The following LMNA variants were observed in gnomAD, a reference collection of about 807,000 sequenced individuals.
LMNA encodes lamin A/C, also known as lamin.
In LMNA, 20 loss-of-function variants were observed where a neutral mutation model predicts 70.4. That is an observed-to-expected ratio of 0.28 (90% CI 0.20 to 0.41). The LOEUF (loss-of-function observed/expected upper bound fraction) is 0.41. LMNA is among the 10% of genes least tolerant of loss of function. The pLI is 1.00. For synonymous variants in LMNA, 339 were observed against 372.8 expected (o/e 0.91, Z 1.04); for missense variants, 652 against 917.2 (o/e 0.71, Z 3.73).
chr1:156,093,405 A>G (rs1648787000), intron 3 of LMNA, among the ~76,000 whole-genome samples: 1 of 148,230 alleles, frequency 6.7e-6, no homozygotes, highest in Non-Finnish European at 1.5e-5. Context: ...CTCCTGGCTC[A>G]AGCCATCCTC....
Position 156,135,071 on chromosome 1 carries a change from T to C in LMNA, c.810+96T>C. On this transcript the variant is annotated intron_variant, in intron 4 of 11. Transcript: ENST00000368300. The surrounding 1 kb of genome is among the most constrained non-coding windows in gnomAD (Gnocchi z 4.8). ...TGCCTTCTGGGGATCAGGCAGATGGTGGCAGGGAGCTCAGGGTGGCCCAGG... is the reference window on the plus strand; with the variant it reads ...TGCCTTCTGGGGATCAGGCAGATGGCGGCAGGGAGCTCAGGGTGGCCCAGG... 1.2e-6 allele frequency: 2 copies of C among 1,610,054 alleles called. No homozygotes were observed. The highest frequency in any genetic ancestry group is 1.1e-5 in the South Asian group (1 of 90,690).
In LMNA at chr1:156,115,210, G is replaced by T; in HGVS notation, c.292G>T (p.Glu98Ter). 6.2e-7 allele frequency: 1 copy of T among 1,612,942 alleles called. No individual in the cohort carries two copies. ...CAAGACCCTTGACTCAGTAGCCAAG[G>T]AGCGCGCCCGCCTGCAGCTGGAGCT... ...ARKTLDSVAKERARLQLELSK... is the reference protein window; with the variant it reads ...ARKTLDSVAK The change falls in exon 1 of 12, where the codon GAG becomes TAG. Residue 98 changes from glutamate (E) to a stop codon, truncating the protein, a stop_gained. Transcript: ENST00000368300. LOFTEE classifies it high-confidence loss of function. This position sits in a 1 kb window ranked among gnomAD's most constrained non-coding sequence, Gnocchi z 5.8.
intron 3 of LMNA, chr1:156,090,885 C>T (rs1648672436): frequency 6.6e-6 from 1 of 152,174 alleles, no homozygotes; most frequent in Non-Finnish European, 1.5e-5. Flanking sequence ...CATTGGCCAC[C>T]AGGTGGCGCC....
In LMNA at chr1:156,103,337, G is replaced by A. The variant is rs1649204626; in HGVS notation, c.-206-11376G>A. 6.6e-6 allele frequency among the ~76,000 whole-genome samples: 1 copy of A among 152,168 alleles called. No individual in the cohort carries two copies. Among genetic ancestry groups the A allele is most frequent in the Non-Finnish European group, 1.5e-5 (1 of 68,016 alleles). ...CCCCAGGGAGAAGTCTTGCAGAGGA[G>A]GGTCCTCATCCTAATGAGGCCGCCA... On this transcript the variant is annotated intron_variant, in intron 3 of 12. Transcript: ENST00000368301. This position sits in a 1 kb window ranked among gnomAD's most constrained non-coding sequence, Gnocchi z 4.7.
At chr1:156,091,438 A>G (rs1291631660) in intron 3 of LMNA, among the ~76,000 whole-genome samples, 1 of 152,114 alleles carries the variant, frequency 6.6e-6, no homozygotes, top group African/African-American at 2.4e-5. Flanking sequence ...CCCGGTCTCT[A>G]CTAAAAATAC....
chr1:156,115,322 G>T lies in LMNA; in HGVS notation c.356+48G>T, dbSNP rs754981671. 3 of 1,529,352 alleles carry T rather than the reference G, an allele frequency of 2.0e-6. No homozygotes were observed. The highest frequency in any genetic ancestry group is 2.7e-6 in the Non-Finnish European group (3 of 1,131,590). 94.7% of individuals were successfully genotyped at this position (1,529,352 alleles called of 1,614,324 possible). A position where few individuals can be genotyped will look rare whatever the true frequency, so the allele number is the denominator to read the frequency against. On this transcript the variant is annotated intron_variant, in intron 1 of 11. Coordinates refer to ENST00000368300, the MANE Select transcript of LMNA (RefSeq NM_170707.4). This position sits in a 1 kb window ranked among gnomAD's most constrained non-coding sequence, Gnocchi z 5.8. Reference sequence around the variant, plus strand: ...GTGCCTGGCGGGGAGTGGAGAGGGCGGCGGGCCGGCGCCCCTGGCCGGCCG... The same window carrying T: ...GTGCCTGGCGGGGAGTGGAGAGGGCTGCGGGCCGGCGCCCCTGGCCGGCCG...
intron 2 of LMNA, among the ~76,000 whole-genome samples, chr1:156,087,258 T>G (rs540640970): frequency 5.2e-4 from 79 of 150,746 alleles, no homozygotes; most frequent in African/African-American, 1.8e-3. Context: ...TTTTTTTTTG[T>G]GGGGGGACAG....
chr1:156,137,520 A>G lies in LMNA; in HGVS notation c.1609-134A>G. 1.1e-6 allele frequency: 1 copy of G among 895,248 alleles called. No individual in the cohort carries two copies. The highest frequency in any genetic ancestry group is 1.8e-6 in the Non-Finnish European group (1 of 561,166). The allele number at this position is 895,248 out of a possible 1,614,324, so 55.5% of individuals were successfully genotyped here. A position where few individuals can be genotyped will look rare whatever the true frequency, so the allele number is the denominator to read the frequency against. ...AAATGAGTTCCTTAGCTCCATCACC[A>G]CAGAGGACAGAGTAAGCAGCAGGCC... On this transcript the variant is annotated intron_variant, in intron 9 of 11. Coordinates refer to ENST00000368300, the MANE Select transcript of LMNA (RefSeq NM_170707.4). This position sits in a 1 kb window ranked among gnomAD's most constrained non-coding sequence, Gnocchi z 4.6.
At chr1:156,129,702 A>C in intron 1 of LMNA, 1 of 614,156 alleles carries the variant, frequency 1.6e-6, no homozygotes, top group Admixed American at 2.8e-5. Context: ...TTAAGAAAAT[A>C]GGACCTTTCT....
chr1:156,117,878 C>T (rs1309798734), intron 1 of LMNA, among the ~76,000 whole-genome samples: 2 of 151,836 alleles, frequency 1.3e-5, no homozygotes, highest in African/African-American at 4.8e-5. Flanking sequence ...TAACTTGCTG[C>T]AGCCTGGAAC....
chr1:156,102,188 T>A (rs1649166362), intron 3 of LMNA, among the ~76,000 whole-genome samples: 1 of 152,332 alleles, frequency 6.6e-6, no homozygotes, highest in African/African-American at 2.4e-5. Flanking sequence ...CCTGTGCACC[T>A]GCTCCGTGAT....
At chr1:156,092,898 T>C (rs1251187893) in intron 3 of LMNA, among the ~76,000 whole-genome samples, 1 of 150,072 alleles carries the variant, frequency 6.7e-6, no homozygotes, top group Non-Finnish European at 1.5e-5. Flanking sequence ...TTCTTTTTTT[T>C]TTTTTTTTGA....
At chr1:156,094,114 G>A (rs1437953466) in intron 3 of LMNA, among the ~76,000 whole-genome samples, 1 of 152,184 alleles carries the variant, frequency 6.6e-6, no homozygotes, top group East Asian at 1.9e-4. Context: ...TCACTGACAT[G>A]ACTTGGTGGA....
At position 156,114,735 on chromosome 1, in the gene LMNA, A is replaced by C. The variant is rs1029190662; in HGVS notation, c.-184A>C. Reference sequence around the variant, plus strand: ...CAGTGTTCGCGGGAGCGCCGCACCTACACCAGCCAACCCAGATCCCGAGGT... The same window carrying C: ...CAGTGTTCGCGGGAGCGCCGCACCTCCACCAGCCAACCCAGATCCCGAGGT... On this transcript the variant is annotated 5_prime_UTR_variant, in exon 1 of 12. Transcript: ENST00000368300. 3 of 573,324 alleles carry C rather than the reference A, an allele frequency of 5.2e-6. No homozygotes were observed. The highest frequency in any genetic ancestry group is 9.1e-6 in the Non-Finnish European group (3 of 329,134). 35.5% of individuals were successfully genotyped at this position (573,324 alleles called of 1,614,324 possible).
chr1:156,099,300 T>A (rs1031695662), intron 3 of LMNA, among the ~76,000 whole-genome samples: 5 of 152,292 alleles, frequency 3.3e-5, no homozygotes, highest in East Asian at 1.9e-4. Flanking sequence ...GAGACTTGCA[T>A]TCTGGGCCTA....
intron 1 of LMNA, among the ~76,000 whole-genome samples, chr1:156,127,731 G>A (rs1650720225): frequency 1.3e-5 from 2 of 149,374 alleles, no homozygotes; most frequent in Admixed American, 6.7e-5. Flanking sequence ...CTGTCACCCA[G>A]GCTGGAGTAC....
In LMNA at chr1:156,139,209, A is replaced by T; in HGVS notation, c.*103A>T. ...CGTCATGGGAGGGGGCTTGAAGCCA[A>T]AGAAAAATAACCCTTTGGTTTTTTT... is the stretch of plus-strand genomic sequence containing the variant. On this transcript the variant is annotated 3_prime_UTR_variant, in exon 12 of 12. Coordinates refer to ENST00000368300, the MANE Select transcript of LMNA (RefSeq NM_170707.4). The T allele has an allele frequency of 1.9e-6, 3 of 1,573,970 alleles. No individual in the cohort carries two copies. The East Asian group carries it at 6.8e-5, about 36-fold the overall frequency.
At chr1:156,087,389 C>G (rs1287377540) in intron 2 of LMNA, among the ~76,000 whole-genome samples, 2 of 151,318 alleles carry the variant, frequency 1.3e-5, no homozygotes, top group Non-Finnish European at 3.0e-5. Context: ...ATTACAGATG[C>G]CTGCCACCAC....
At position 156,138,477 on chromosome 1, in the gene LMNA, T is replaced by A; in HGVS notation, c.1699-11T>A. On this transcript the variant is annotated splice_polypyrimidine_tract_variant and intron_variant, in intron 10 of 11. Transcript: ENST00000368300. This position sits in a 1 kb window ranked among gnomAD's most constrained non-coding sequence, Gnocchi z 5.5. ...CTCGCCGTCCCGCCTGAGCCTTGTC[T>A]CCCTTCCCAGGGCTCCCACTGCAGC... 6.2e-7 allele frequency: 1 copy of A among 1,611,308 alleles called. No individual in the cohort carries two copies. The highest frequency in any genetic ancestry group is 8.5e-7 in the Non-Finnish European group (1 of 1,179,522).
Sources: gnomAD v4.1 joint callset for allele counts (sites outside exome capture counted in the v4.1 genomes callset) on GRCh38, gnomAD v4.1.1 for gene constraint, Gnocchi (gnomAD v3.1) non-coding constraint, MANE v1.5 for transcripts, NCBI Gene and HGNC (gene_info 2026-07-23, HGNC 2026-07-21) for gene names.